ERICH5: variants seen among roughly 807,000 people sequenced by gnomAD.
The protein encoded by ERICH5 is glutamate rich 5, also known as glutamate-rich protein 5.
Under a neutral mutation model 28.0 loss-of-function variants are expected in ERICH5, and 24 were observed. The observed-to-expected ratio is 0.86, with a 90% CI of 0.62 to 1.21. ERICH5 has a LOEUF of 1.21. ERICH5 is among the 50% of genes most tolerant of loss of function. ERICH5 has a pLI of 0.00. For missense variants in ERICH5, 421 were observed against 441.2 expected, an observed-to-expected ratio of 0.95 and a Z score of 0.41; for synonymous variants, 163 against 157.6, an observed-to-expected ratio of 1.03 and a Z score of -0.25.
chr8:98,085,104 G>T (rs951493471), intron 1 of ERICH5, among the ~76,000 whole-genome samples: 33 of 137,846 alleles, frequency 2.4e-4, no homozygotes, highest in African/African-American at 8.1e-4. Flanking sequence ...TTTATTACTG[G>T]GTCGTATTCC....
chr8:98,091,216 A>G (rs1234976927), intron 2 of ERICH5, among the ~76,000 whole-genome samples: 2 of 152,138 alleles, frequency 1.3e-5, no homozygotes, highest in Non-Finnish European at 2.9e-5. Flanking sequence ...GATTACAGGC[A>G]TGAGCCACCA....
chr8:98,064,590 C>G lies in ERICH5; in HGVS notation c.-80C>G. On this transcript the variant is annotated 5_prime_UTR_variant, in exon 1 of 3. Transcript: ENST00000318528. The stretch of plus-strand genomic sequence containing the variant: ...TGCAGAGCTGGAGAAACTTCCGCGG[C>G]TACGGGTGCAGTTGCCTTCGGTTCC... The G allele has an allele frequency of 8.0e-7, 1 of 1,255,436 alleles. No homozygotes were observed. Among genetic ancestry groups the G allele is most frequent in the East Asian group, 2.8e-5 (1 of 36,328 alleles). The allele number at this position is 1,255,436 out of a possible 1,614,324, so 77.8% of individuals were successfully genotyped here. A position where few individuals can be genotyped will look rare whatever the true frequency, so the allele number is the denominator to read the frequency against.
intron 2 of ERICH5, among the ~76,000 whole-genome samples, chr8:98,091,899 TCCTTTCTTTCTTTCTTTCTTC>T (rs1815403258): frequency 7.3e-5 from 4 of 55,094 alleles, no homozygotes; most frequent in African/African-American, 8.5e-5. Flanking sequence ...TTTCTTTCTT[TCCTTTCTTTCTTTCTTTCTTC>T]CTTTCTTTCT....
Position 98,089,806 on chromosome 8 carries a change from A to G in ERICH5, c.789A>G (p.Lys263=). ...EQPQLLERIP[K]ENVTPEVLDR... is the part of the protein sequence containing the mutation. Reference sequence around the variant, plus strand: ...CCCAGCTTCTAGAAAGAATTCCCAAAGAGAATGTAACACCAGAAGTATTGG... The same window carrying G: ...CCCAGCTTCTAGAAAGAATTCCCAAGGAGAATGTAACACCAGAAGTATTGG... Residue 263 remains lysine (K), a synonymous_variant, in exon 2 of 3, where the codon AAA becomes AAG. Coordinates refer to ENST00000318528, the MANE Select transcript of ERICH5 (RefSeq NM_173549.3). 6.2e-7 allele frequency: 1 copy of G among 1,614,170 alleles called. No homozygotes were observed. Among genetic ancestry groups the G allele is most frequent in the Non-Finnish European group, 8.5e-7 (1 of 1,180,020 alleles).
At chr8:98,083,862 A>G (rs1373577866) in intron 1 of ERICH5, among the ~76,000 whole-genome samples, 5 of 151,950 alleles carry the variant, frequency 3.3e-5, no homozygotes, top group African/African-American at 1.2e-4. Context: ...CCCTAAATCC[A>G]TCTATCCCTC....
intron 2 of ERICH5, among the ~76,000 whole-genome samples, chr8:98,091,949 C>CTTCTTTCTTTCTTTCTTCT (rs3074388): frequency 2.0e-5 from 2 of 101,970 alleles, no homozygotes; most frequent in Non-Finnish European, 3.8e-5. Flanking sequence ...TTCTTTCTTT[C>CTTCTTTCTTTCTTTCTTCT]TTCTTTCTTT....
chr8:98,088,677 C>T (rs985493755), intron 1 of ERICH5, among the ~76,000 whole-genome samples: 1 of 152,122 alleles, frequency 6.6e-6, no homozygotes, highest in African/African-American at 2.4e-5. Context: ...CTATTGCCCT[C>T]CCCGCCAAAA....
At chr8:98,075,763 C>T (rs2130515918) in intron 1 of ERICH5, among the ~76,000 whole-genome samples, 1 of 144,702 alleles carries the variant, frequency 6.9e-6, no homozygotes, top group South Asian at 2.2e-4. Flanking sequence ...TAACTGCTAA[C>T]TCCCATCTCA....
chr8:98,066,435 A>T (rs776735314), intron 1 of ERICH5, among the ~76,000 whole-genome samples: 1 of 152,226 alleles, frequency 6.6e-6, no homozygotes, highest in Non-Finnish European at 1.5e-5. Context: ...TATTTCAGGG[A>T]ATGTAACTTT....
At chr8:98,068,298 T>A (rs1232887175) in intron 1 of ERICH5, among the ~76,000 whole-genome samples, 3 of 152,130 alleles carry the variant, frequency 2.0e-5, no homozygotes, top group Non-Finnish European at 4.4e-5. Context: ...TCCTATCACC[T>A]CCCAAGATGA....
At chr8:98,086,021 G>A (rs981719701) in intron 1 of ERICH5, among the ~76,000 whole-genome samples, 4 of 152,168 alleles carry the variant, frequency 2.6e-5, no homozygotes, top group African/African-American at 9.7e-5. Flanking sequence ...TTTTCATTTG[G>A]AAAGTTTTCT....
intron 1 of ERICH5, among the ~76,000 whole-genome samples, chr8:98,073,430 CTCTATATATATATATATATATATATA>C (rs1814961059): frequency 1.1e-4 from 2 of 18,310 alleles, no homozygotes; most frequent in Non-Finnish European, 1.7e-4. Context: ...CTCTCTCTCT[CTCTATATATATATATATATATATATA>C]TATGTATATA....
At chr8:98,073,909 TTCTC>T (rs142320048) in intron 1 of ERICH5, among the ~76,000 whole-genome samples, 3,153 of 110,728 alleles carry the variant, frequency 0.028, 117 homozygotes, top group African/African-American at 0.1. Context: ...TTTTAAATTT[TTCTC>T]TCTTTTTCTT....
intron 1 of ERICH5, among the ~76,000 whole-genome samples, chr8:98,079,667 G>A (rs925120073): frequency 1.3e-5 from 2 of 152,156 alleles, no homozygotes; most frequent in Admixed American, 6.5e-5. Flanking sequence ...GGCCTCCCGA[G>A]TAGCTGGGAT....
At chr8:98,081,222 C>T (rs981140966) in intron 1 of ERICH5, among the ~76,000 whole-genome samples, 12 of 152,042 alleles carry the variant, frequency 7.9e-5, no homozygotes, top group Admixed American at 3.9e-4. Flanking sequence ...CCTCCCATCT[C>T]GGCCTCCTGA....
chr8:98,075,865 C>G lies in ERICH5; in HGVS notation c.58+11138C>G, dbSNP rs914294895. 2.2e-5 allele frequency among the ~76,000 whole-genome samples: 3 copies of G among 137,620 alleles called. No individual in the cohort carries two copies. In the Admixed American group the frequency reaches 2.6e-4, roughly 12 times the overall value. The allele number at this position is 137,620 out of a possible 152,430, so 90.3% of individuals were successfully genotyped here. On this transcript the variant is annotated intron_variant, in intron 1 of 2. Coordinates refer to ENST00000318528, the MANE Select transcript of ERICH5 (RefSeq NM_173549.3). ...CCTGGGCTCAAGTTATTCACCCATCCAAAGTGCTTGGATTACAGATGTGAG... is the reference window on the plus strand; with the variant it reads ...CCTGGGCTCAAGTTATTCACCCATCGAAAGTGCTTGGATTACAGATGTGAG...
chr8:98,085,771 A>G (rs1815265708), intron 1 of ERICH5, among the ~76,000 whole-genome samples: 1 of 152,156 alleles, frequency 6.6e-6, no homozygotes, highest in Admixed American at 6.5e-5. Context: ...CTCCAGCCGC[A>G]CTATCCTTTC....
At chr8:98,068,676 C>A (rs1169904979) in intron 1 of ERICH5, among the ~76,000 whole-genome samples, 1 of 152,148 alleles carries the variant, frequency 6.6e-6, no homozygotes, top group African/African-American at 2.4e-5. Context: ...GTGTTCCTAG[C>A]CCTCTGCTAA....
At position 98,089,232 on chromosome 8, in the gene ERICH5, C is replaced by A. The variant is rs763282645; in HGVS notation, c.215C>A (p.Thr72Lys). Residue 72 changes from threonine to lysine, a missense_variant, in exon 2 of 3, where the codon ACA becomes AAA. By Grantham distance (78) the Thr-to-Lys change is moderately conservative. Coordinates refer to ENST00000318528, the MANE Select transcript of ERICH5 (RefSeq NM_173549.3). ...LQKLKVSAEP[T>K]ANGVKPLQEQ... ...AAGCTCAAGGTTTCAGCAGAGCCTA[C>A]AGCTAATGGTGTTAAACCCCTCCAA... 2.3e-5 allele frequency: 37 copies of A among 1,614,210 alleles called. No homozygotes were observed. Among genetic ancestry groups the A allele is most frequent in the Non-Finnish European group, 3.1e-5 (37 of 1,180,042 alleles).
Sources: allele counts gnomAD v4.1 joint callset (sites outside exome capture counted in the v4.1 genomes callset), GRCh38; gene constraint gnomAD v4.1.1; transcripts MANE v1.5; gene names NCBI Gene and HGNC (gene_info 2026-07-23, HGNC 2026-07-21).